Variants in PTPRN2 observed in about 807,000 individuals in gnomAD.
The protein encoded by PTPRN2 is protein tyrosine phosphatase receptor type N2.
A neutral mutation model predicts 118.8 loss-of-function variants in PTPRN2; 74 were observed. That is an observed-to-expected ratio of 0.62 (90% confidence interval 0.52 to 0.76). The LOEUF (loss-of-function observed/expected upper bound fraction) is 0.76, where lower values mean the gene tolerates loss of function less well. Ranked by LOEUF, PTPRN2 falls within the 30% of genes least tolerant of loss-of-function variation. The pLI is 0.00. For synonymous variants in PTPRN2, 641 were observed against 608.0 expected, an observed-to-expected ratio of 1.05 and a Z score of -0.80; for missense variants, 1,481 against 1,394.4, an observed-to-expected ratio of 1.06 and a Z score of -0.99.
chr7:158,462,378 G>A (rs1819069861), intron 2 of PTPRN2, among the ~76,000 whole-genome samples: 1 of 152,170 alleles, frequency 6.6e-6, no homozygotes, highest in Non-Finnish European at 1.5e-5. Flanking sequence ...TTTGTCTGGT[G>A]TGCTGGCATC....
rs182259667 is a variant in PTPRN2, at chr7:158,522,758, G to A, written c.113-32973C>T. Among the ~76,000 whole-genome samples the A allele has an allele frequency of 2.0e-3, 308 of 152,314 alleles. 1 individual carries two copies. The East Asian group carries it at 0.022, about 11-fold the overall frequency. Reference sequence around the variant, plus strand: ...GTTGGCACAGTCTGCAGGGCTCAGCGTCTCCCCTGGTTCTCACGTGGACAT... The same window carrying A: ...GTTGGCACAGTCTGCAGGGCTCAGCATCTCCCCTGGTTCTCACGTGGACAT... On this transcript the variant is annotated intron_variant, in intron 1 of 22. Coordinates refer to ENST00000389418, the MANE Select transcript of PTPRN2 (RefSeq NM_002847.5).
intron 11 of PTPRN2, among the ~76,000 whole-genome samples, chr7:157,963,855 C>T (rs1431563260): frequency 6.6e-6 from 1 of 152,208 alleles, no homozygotes; most frequent in African/African-American, 2.4e-5. Context: ...TAATTTCTAT[C>T]ATTAAATCCT....
intron 12 of PTPRN2, among the ~76,000 whole-genome samples, chr7:157,814,061 C>T (rs1320650456): frequency 1.3e-5 from 2 of 152,238 alleles, no homozygotes; most frequent in Non-Finnish European, 2.9e-5. Flanking sequence ...CAGTGGTCGC[C>T]ACACCCACAC....
rs1431397825 is a variant in PTPRN2, at chr7:157,627,105, G to A, written c.2197-5596C>T. Among the ~76,000 whole-genome samples, 1 of 152,148 alleles carries A rather than the reference G, an allele frequency of 6.6e-6. No individual in the cohort carries two copies. Among genetic ancestry groups the A allele is most frequent in the Non-Finnish European group, 1.5e-5 (1 of 68,028 alleles). On this transcript the variant is annotated intron_variant, in intron 14 of 22. Coordinates refer to ENST00000389418, the MANE Select transcript of PTPRN2 (RefSeq NM_002847.5). The surrounding 1 kb of genome is among the most constrained non-coding windows in gnomAD (Gnocchi z 4.2). Reference sequence around the variant, plus strand: ...ATCTCCCTCATTCTCCACAGTCCAGGTCCCAGGTGGGGTGCTCCATCTCCC... The same window carrying A: ...ATCTCCCTCATTCTCCACAGTCCAGATCCCAGGTGGGGTGCTCCATCTCCC...
intron 22 of PTPRN2, among the ~76,000 whole-genome samples, chr7:157,542,788 G>C (rs976356385): frequency 2.0e-5 from 3 of 152,216 alleles, no homozygotes; most frequent in South Asian, 2.1e-4. Context: ...GTGTGGGCTG[G>C]TGTGTGCCGT....
chr7:158,142,214 G>A (rs531853818), intron 6 of PTPRN2, among the ~76,000 whole-genome samples: 5 of 152,314 alleles, frequency 3.3e-5, no homozygotes, highest in African/African-American at 9.6e-5. Flanking sequence ...GCCCACGCCC[G>A]CCTCCGCCTC....
At chr7:157,883,023 C>T (rs778255233) in intron 12 of PTPRN2, among the ~76,000 whole-genome samples, 12 of 151,128 alleles carry the variant, frequency 7.9e-5, no homozygotes, top group Non-Finnish European at 1.5e-4. Flanking sequence ...CAGAACATGA[C>T]ACCACAAAAA....
chr7:158,487,191 G>A (rs1025778484), intron 2 of PTPRN2, among the ~76,000 whole-genome samples: 12 of 152,206 alleles, frequency 7.9e-5, no homozygotes, highest in East Asian at 1.9e-4. Flanking sequence ...TGGACACTGG[G>A]CTGCTTTCGC....
At chr7:158,138,585 T>C (rs1013121959) in intron 6 of PTPRN2, 70 bp from the exon 7 acceptor site, 93 of 1,454,246 alleles carry the variant, frequency 6.4e-5, no homozygotes, top group Non-Finnish European at 5.3e-5. Flanking sequence ...CTCCAGACCA[T>C]AGGGGTGTGG....
At chr7:158,398,734 G>A (rs2151397057) in intron 2 of PTPRN2, among the ~76,000 whole-genome samples, 1 of 152,216 alleles carries the variant, frequency 6.6e-6, no homozygotes, top group South Asian at 2.1e-4. Context: ...ATCTCCACAT[G>A]ACACATTCAC....
At chr7:158,274,513 C>T (rs1416490234) in intron 3 of PTPRN2, among the ~76,000 whole-genome samples, 1 of 137,412 alleles carries the variant, frequency 7.3e-6, no homozygotes, top group Non-Finnish European at 1.6e-5. Context: ...GAGCCACAGG[C>T]ACGGGGGAGC....
chr7:157,968,083 C>CCTCCCAGGTAGCTGGGACCACAGGTGCA (rs1265323504), intron 11 of PTPRN2, among the ~76,000 whole-genome samples: 1 of 152,180 alleles, frequency 6.6e-6, no homozygotes, highest in African/African-American at 2.4e-5. Flanking sequence ...TAGTAAATTA[C>CCTCCCAGGTAGCTGGGACCACAGGTGCA]TACAGCGGAG....
At chr7:157,645,564 T>C (rs1287770950) in intron 14 of PTPRN2, among the ~76,000 whole-genome samples, 1 of 152,182 alleles carries the variant, frequency 6.6e-6, no homozygotes, top group African/African-American at 2.4e-5. Flanking sequence ...TGAAATTGCC[T>C]ACATTGCCCT....
intron 2 of PTPRN2, among the ~76,000 whole-genome samples, chr7:158,352,982 C>T (rs1808121868): frequency 2.0e-5 from 3 of 152,276 alleles, no homozygotes; most frequent in Admixed American, 1.3e-4. Context: ...AGGCCAGACA[C>T]TCGCTCCTAT....
chr7:158,113,451 T>A (rs1816455823), intron 9 of PTPRN2, among the ~76,000 whole-genome samples: 1 of 152,132 alleles, frequency 6.6e-6, no homozygotes, highest in Non-Finnish European at 1.5e-5. Flanking sequence ...CATGGCTGTG[T>A]GTGCCCAGAG....
chr7:158,489,406 C>T (rs1011606796), intron 2 of PTPRN2, among the ~76,000 whole-genome samples: 1 of 152,234 alleles, frequency 6.6e-6, no homozygotes, highest in African/African-American at 2.4e-5. Context: ...GAGATAGCCC[C>T]GCTGCCCTCC....
chr7:158,191,767 G>A (rs1263883865), intron 5 of PTPRN2, among the ~76,000 whole-genome samples: 2 of 152,148 alleles, frequency 1.3e-5, no homozygotes, highest in African/African-American at 2.4e-5. Flanking sequence ...TCTGGGGTCT[G>A]TGTGCCCAGG....
intron 11 of PTPRN2, among the ~76,000 whole-genome samples, chr7:157,935,554 G>A (rs759978421): frequency 2.6e-5 from 4 of 152,166 alleles, no homozygotes; most frequent in Non-Finnish European, 4.4e-5. Context: ...TTACGTTCTT[G>A]AACAGATCTG....
intron 6 of PTPRN2, among the ~76,000 whole-genome samples, chr7:158,144,826 G>C (rs549398228): frequency 6.6e-6 from 1 of 152,248 alleles, no homozygotes; most frequent in Non-Finnish European, 1.5e-5. Context: ...CAGGTGTGTC[G>C]ACCCACCCTG....
Sources: gnomAD v4.1 joint callset for allele counts (sites outside exome capture counted in the v4.1 genomes callset) on GRCh38, gnomAD v4.1.1 for gene constraint, Gnocchi (gnomAD v3.1) non-coding constraint, MANE v1.5 for transcripts, NCBI Gene and HGNC (gene_info 2026-07-23, HGNC 2026-07-21) for gene names.